The following MYADML2 variants were observed in gnomAD, a reference collection of about 807,000 sequenced individuals.
MYADML2 encodes myeloid-associated differentiation marker-like protein 2.
In MYADML2, 17 loss-of-function variants were observed where a neutral mutation model predicts 16.0. The observed-to-expected ratio is 1.06, with a 90% CI of 0.73 to 1.60. MYADML2 has a LOEUF of 1.60. MYADML2 is among the 40% of genes most tolerant of loss of function. The pLI is 0.00. For missense variants in MYADML2, 422 were observed against 437.7 expected (o/e 0.96, Z 0.32); for synonymous variants, 210 against 208.1 (o/e 1.01, Z -0.08).
At chr17:81,944,718 A>G (rs1462024284) in intron 1 of MYADML2, among the ~76,000 whole-genome samples, 1 of 152,178 alleles carries the variant, frequency 6.6e-6, no homozygotes, top group East Asian at 1.9e-4. Context: ...TCAGAAGGGC[A>G]GAGCTTCTAG....
intron 1 of MYADML2, among the ~76,000 whole-genome samples, chr17:81,946,340 C>T (rs1258921975): frequency 6.7e-6 from 1 of 149,896 alleles, no homozygotes; most frequent in East Asian, 2.0e-4. Context: ...GGCGACAGAG[C>T]AAGACTCAGT....
chr17:81,941,919 C>G, intron 2 of MYADML2, 76 bp from the exon 3 acceptor site: 3 of 600,132 alleles, frequency 5.0e-6, no homozygotes. Flanking sequence ...CTCCCCCCAG[C>G]GCTATAAATA....
Position 81,940,708 on chromosome 17 carries a change from C to T in MYADML2, c.*110G>A. 1.6e-6 allele frequency: 2 copies of T among 1,212,772 alleles called. No homozygotes were observed. The highest frequency in any genetic ancestry group is 2.3e-6 in the Non-Finnish European group (2 of 886,202). 75.1% of individuals were successfully genotyped at this position (1,212,772 alleles called of 1,614,324 possible). ...CCGTTGTACTTCATCTCCCCTGAGC[C>T]CGCGGCTTCCCTCCTGCTCGCTACT... On this transcript the variant is annotated 3_prime_UTR_variant, in exon 3 of 3. Transcript: ENST00000409745.
At position 81,940,790 on chromosome 17, in the gene MYADML2, G is replaced by T; in HGVS notation, c.*28C>A. 1 of 1,478,886 alleles carries T rather than the reference G, an allele frequency of 6.8e-7. No homozygotes were observed. Among genetic ancestry groups the T allele is most frequent in the Middle Eastern group, 1.8e-4 (1 of 5,606 alleles). 91.6% of individuals were successfully genotyped at this position (1,478,886 alleles called of 1,614,324 possible). On this transcript the variant is annotated 3_prime_UTR_variant, in exon 3 of 3. Transcript: ENST00000409745. ...AGAGCCTGGAGCTGGTGGCCAGAGA[G>T]CAGAGGTGGGTGGGCTGCCACTGTG...
intron 1 of MYADML2, among the ~76,000 whole-genome samples, chr17:81,944,541 G>A (rs2041329499): frequency 6.6e-6 from 1 of 152,174 alleles, no homozygotes; most frequent in Non-Finnish European, 1.5e-5. Context: ...CTGACATAGA[G>A]CTCCTAAAAC....
In MYADML2 at chr17:81,941,690, C is replaced by T. The variant is rs901699768; in HGVS notation, c.52G>A (p.Val18Met). ...CGGGCTGTGCCCACAGGGGATGTCA[C>T]GGCGCCCAGGTGCAGGTACGCACCC... ...PGGAYLHLGAVTSPVGTARVL... is the reference protein window; with the variant it reads ...PGGAYLHLGAMTSPVGTARVL... Residue 18 changes from valine (V) to methionine (M), a missense_variant, in exon 3 of 3, where the codon GTG becomes ATG. Transcript: ENST00000409745. 3.4e-5 allele frequency: 53 copies of T among 1,545,310 alleles called. No individual in the cohort carries two copies. The highest frequency in any genetic ancestry group is 6.0e-5 in the South Asian group (5 of 83,736).
chr17:81,946,380 G>A (rs2041345726), intron 1 of MYADML2, among the ~76,000 whole-genome samples: 1 of 150,738 alleles, frequency 6.6e-6, no homozygotes, highest in Admixed American at 6.6e-5. Context: ...CGGGCGCGGT[G>A]GCTCATGCCT....
chr17:81,941,424 A>G lies in MYADML2; in HGVS notation c.318T>C (p.Tyr106=). 2 of 1,549,374 alleles carry G rather than the reference A, an allele frequency of 1.3e-6. No homozygotes were observed. Among genetic ancestry groups the G allele is most frequent in the South Asian group, 2.4e-5 (2 of 84,036 alleles). The change falls in exon 3 of 3, where the codon TAT becomes TAC. Residue 106 remains tyrosine (Y), a synonymous_variant. Coordinates refer to ENST00000409745, the MANE Select transcript of MYADML2 (RefSeq NM_001145113.3). ...ACTCCCGCCGGGCAAAGTACAGCGGATACAGGACCGCAGCCGTCGCGCATA... is the reference window on the plus strand; with the variant it reads ...ACTCCCGCCGGGCAAAGTACAGCGGGTACAGGACCGCAGCCGTCGCGCATA... ...TLLCATAAVL[Y]PLYFARRECS...
chr17:81,946,242 C>A (rs1206785623), intron 1 of MYADML2, among the ~76,000 whole-genome samples: 2 of 151,972 alleles, frequency 1.3e-5, no homozygotes, highest in Admixed American at 6.6e-5. Context: ...GTAGTCCCAG[C>A]TACTTGGGAG....
chr17:81,945,004 G>A (rs1199319870), intron 1 of MYADML2, among the ~76,000 whole-genome samples: 4 of 152,242 alleles, frequency 2.6e-5, no homozygotes, highest in Admixed American at 1.3e-4. Flanking sequence ...GGTGGCTGAC[G>A]CCTGTCATCC....
Position 81,940,861 on chromosome 17 carries a change from T to C in MYADML2, c.881A>G (p.Asp294Gly), listed in dbSNP as rs181984777. The change falls in exon 3 of 3, where the codon GAC (aspartate) becomes GGC (glycine). Residue 294 changes from aspartate (D) to glycine (G), a missense_variant. Physicochemically the swap from Asp to Gly is moderately conservative, Grantham distance 94. Transcript: ENST00000409745. The stretch of plus-strand genomic sequence containing the variant: ...GCGAATCCTCTGGGAGTAGGCGAGG[T>C]CAACGACGTACAGGAGCAGGTTGAC... ...TYVNLLLYVV[D>G]LAYSQRIRFV... 14,190 of 1,531,168 alleles carry C rather than the reference T, an allele frequency of 9.3e-3. 94 individuals carry two copies. The highest frequency in any genetic ancestry group is 0.011 in the Non-Finnish European group (12,728 of 1,134,506). The allele number at this position is 1,531,168 out of a possible 1,614,324, so 94.8% of individuals were successfully genotyped here.
At chr17:81,945,154 A>G (rs556781934) in intron 1 of MYADML2, among the ~76,000 whole-genome samples, 1 of 151,574 alleles carries the variant, frequency 6.6e-6, no homozygotes, top group East Asian at 1.9e-4. Flanking sequence ...TCATCTCAGC[A>G]CTTTGGGAGG....
Position 81,940,552 on chromosome 17 carries a change from G to C in MYADML2, c.*266C>G. On this transcript the variant is annotated 3_prime_UTR_variant, in exon 3 of 3. Transcript: ENST00000409745. Reference sequence around the variant, plus strand: ...CAGCACTGAGCCCCAGGAGCGCTGGGAAATGGTGAGAGAGAGTGAGTTGGG... The same window carrying C: ...CAGCACTGAGCCCCAGGAGCGCTGGCAAATGGTGAGAGAGAGTGAGTTGGG... 2.2e-6 allele frequency: 1 copy of C among 450,888 alleles called. No individual in the cohort carries two copies. The allele number at this position is 450,888 out of a possible 1,614,324, so 27.9% of individuals were successfully genotyped here. A position where few individuals can be genotyped will look rare whatever the true frequency, so the allele number is the denominator to read the frequency against.
chr17:81,941,516 G>C lies in MYADML2; in HGVS notation c.226C>G (p.Leu76Val). The C allele has an allele frequency of 3.9e-6, 6 of 1,548,090 alleles. No homozygotes were observed. Among genetic ancestry groups the C allele is most frequent in the Non-Finnish European group, 5.2e-6 (6 of 1,146,246 alleles). The stretch of plus-strand genomic sequence containing the variant: ...CAGGAGAGCCGCAGGCAGCCGTGGA[G>C]CCGTGTGAACTCACAGGCCACCACC... ...ALVVACEFTR[L>V]HGCLRLSWGN... Residue 76 changes from leucine (L) to valine (V), a missense_variant, in exon 3 of 3, where the codon CTC becomes GTC. Leu to Val is a conservative substitution (Grantham distance 32). Transcript: ENST00000409745.
Position 81,941,591 on chromosome 17 carries a change from C to T in MYADML2, c.151G>A (p.Gly51Ser), listed in dbSNP as rs1281613951. ...AHRGGFAGVQ[G>S]TFCMAAWGFC... is the part of the protein sequence containing the mutation. ...CCCCAGGCGGCCATGCAGAAGGTGC[C>T]CTGGACGCCCGCAAAGCCACCCCGG... The change falls in exon 3 of 3, where the codon GGC becomes AGC. Residue 51 changes from glycine to serine, a missense_variant. Gly to Ser is a moderately conservative substitution (Grantham distance 56). Transcript: ENST00000409745. 2 of 1,548,440 alleles carry T rather than the reference C, an allele frequency of 1.3e-6. No homozygotes were observed. Among genetic ancestry groups the T allele is most frequent in the African/African-American group, 2.7e-5 (2 of 73,044 alleles).
At chr17:81,945,239 T>TAA (rs112063876) in intron 1 of MYADML2, among the ~76,000 whole-genome samples, 2 of 142,344 alleles carry the variant, frequency 1.4e-5, no homozygotes, top group African/African-American at 2.6e-5. Context: ...TGTCTATATT[T>TAA]AAAAAAAAAA....
Position 81,940,556 on chromosome 17 carries a change from TGGTG to T in MYADML2, c.*258_*261del. 1 of 452,394 alleles carries T rather than the reference TGGTG, an allele frequency of 2.2e-6. No individual in the cohort carries two copies. Among genetic ancestry groups the T allele is most frequent in the East Asian group, 3.3e-5 (1 of 30,142 alleles). 28.0% of individuals were successfully genotyped at this position (452,394 alleles called of 1,614,324 possible). A position where few individuals can be genotyped will look rare whatever the true frequency, so the allele number is the denominator to read the frequency against. On this transcript the variant is annotated 3_prime_UTR_variant, in exon 3 of 3. Transcript: ENST00000409745. ...ACTGAGCCCCAGGAGCGCTGGGAAA[TGGTG>T]AGAGAGAGTGAGTTGGGGATTGGCC... is the stretch of plus-strand genomic sequence containing the variant.
chr17:81,946,737 G>A (rs766576793), intron 1 of MYADML2, among the ~76,000 whole-genome samples: 12 of 152,134 alleles, frequency 7.9e-5, no homozygotes, highest in Non-Finnish European at 1.3e-4. Flanking sequence ...GTTGGGAGGC[G>A]GAGGTGGGTG....
Position 81,947,126 on chromosome 17 carries a change from AT to A in MYADML2, c.-249del, listed in dbSNP as rs1422259487. The A allele has an allele frequency of 2.0e-5, 3 of 152,256 alleles. No homozygotes were observed. The highest frequency in any genetic ancestry group is 4.8e-5 in the African/African-American group (2 of 41,472). 9.4% of individuals were successfully genotyped at this position (152,256 alleles called of 1,614,324 possible). A position where few individuals can be genotyped will look rare whatever the true frequency, so the allele number is the denominator to read the frequency against. ...GGGGGTTATATGCAAATAACATGCC[AT>A]TTTGTATCAGGGACTCTGGCCTTGT... On this transcript the variant is annotated 5_prime_UTR_variant, in exon 1 of 3. It adds an upstream start codon to the 5' untranslated region. Coordinates refer to ENST00000409745, the MANE Select transcript of MYADML2 (RefSeq NM_001145113.3).
Sources: allele counts gnomAD v4.1 joint callset (sites outside exome capture counted in the v4.1 genomes callset), GRCh38; gene constraint gnomAD v4.1.1; transcripts MANE v1.5; gene names NCBI Gene and HGNC (gene_info 2026-07-23, HGNC 2026-07-21).